ITPR2: variants seen among roughly 807,000 people sequenced by gnomAD.
ITPR2 encodes the protein inositol 1,4,5-trisphosphate-gated calcium channel ITPR2.
A neutral mutation model predicts 317.1 loss-of-function variants in ITPR2; 207 were observed. The ratio of observed to expected loss-of-function variants is 0.65; its 90% CI spans 0.58 to 0.73. The LOEUF (loss-of-function observed/expected upper bound fraction) is 0.73. Ranked by LOEUF, ITPR2 falls within the 30% of genes least tolerant of loss-of-function variation. The pLI is 0.00. For synonymous variants in ITPR2, 1,156 were observed against 1,149.1 expected, an observed-to-expected ratio of 1.01 and a Z score of -0.12; for missense variants, 2,613 against 3,284.0, an observed-to-expected ratio of 0.80 and a Z score of 4.99.
At chr12:26,487,623 GC>G (rs1266938481) in intron 39 of ITPR2, among the ~76,000 whole-genome samples, 1 of 152,122 alleles carries the variant, frequency 6.6e-6, no homozygotes, top group Non-Finnish European at 1.5e-5. Context: ...TGCCTACTAT[GC>G]GTCAAGCCCT....
At chr12:26,665,091 A>G (rs781591579) in intron 14 of ITPR2, among the ~76,000 whole-genome samples, 2 of 152,224 alleles carry the variant, frequency 1.3e-5, no homozygotes, top group Non-Finnish European at 2.9e-5. Flanking sequence ...ATCATTAGGA[A>G]GTGAATCAAT....
chr12:26,486,614 T>G (rs78677853), intron 40 of ITPR2, among the ~76,000 whole-genome samples: 1 of 152,230 alleles, frequency 6.6e-6, no homozygotes, highest in Admixed American at 6.5e-5. Flanking sequence ...TATATATTCA[T>G]GTATATGAGT....
intron 37 of ITPR2, among the ~76,000 whole-genome samples, chr12:26,501,500 C>T (rs1349532088): frequency 2.0e-5 from 3 of 152,164 alleles, no homozygotes; most frequent in Non-Finnish European, 2.9e-5. Context: ...CAATTTCTCT[C>T]CCTGTTGCCT....
rs773972357 is a variant in ITPR2 at position 26,686,599 on chromosome 12, G to T, written c.1030C>A (p.Arg344Ser). ...DGVPPTSKKK[R>S]QAGEKIMYTL... The stretch of plus-strand genomic sequence containing the variant: ...TACATGATCTTCTCCCCTGCCTGGC[G>T]TTTTTTCTTTGAAGTTGGAGGGACT... The change falls in exon 11 of 57, where the codon CGC becomes AGC. Residue 344 changes from arginine (R) to serine (S), a missense_variant. Transcript: ENST00000381340. The T allele has an allele frequency of 4.3e-6, 7 of 1,610,428 alleles. No individual in the cohort carries two copies. Among genetic ancestry groups the T allele is most frequent in the African/African-American group, 4.0e-5 (3 of 74,720 alleles).
At chr12:26,394,874 A>G (rs1939948536) in intron 54 of ITPR2, among the ~76,000 whole-genome samples, 2 of 152,162 alleles carry the variant, frequency 1.3e-5, no homozygotes, top group African/African-American at 4.8e-5. Flanking sequence ...CACCTGGAAG[A>G]GAAAAAAGGA....
rs769644346 is a variant in ITPR2 at position 26,686,596 on chromosome 12, G to A, written c.1033C>T (p.Gln345Ter). 6.2e-7 allele frequency: 1 copy of A among 1,610,530 alleles called. No homozygotes were observed. The highest frequency in any genetic ancestry group is 2.2e-5 in the East Asian group (1 of 44,624). The change falls in exon 11 of 57, where the codon CAG becomes TAG. Residue 345 changes from glutamine to a stop codon, truncating the protein, a stop_gained. Coordinates refer to ENST00000381340, the MANE Select transcript of ITPR2 (RefSeq NM_002223.4). LOFTEE classifies it high-confidence loss of function. Reference protein sequence around the residue: ...GVPPTSKKKRQAGEKIMYTLV... With the variant: ...GVPPTSKKKR ...GTATACATGATCTTCTCCCCTGCCTGGCGTTTTTTCTTTGAAGTTGGAGGG... is the reference window on the plus strand; with the variant it reads ...GTATACATGATCTTCTCCCCTGCCTAGCGTTTTTTCTTTGAAGTTGGAGGG...
intron 37 of ITPR2, among the ~76,000 whole-genome samples, chr12:26,501,894 T>C (rs1248510812): frequency 6.6e-6 from 1 of 152,202 alleles, no homozygotes; most frequent in Non-Finnish European, 1.5e-5. Context: ...ATATAAATAA[T>C]CCTCACCAGA....
chr12:26,721,820 G>T (rs963775), intron 5 of ITPR2, among the ~76,000 whole-genome samples: 46,911 of 151,682 alleles, frequency 0.31, 8,678 homozygotes, highest in East Asian at 0.79. Context: ...TTGCTATGTT[G>T]CCCAGGCTGG....
intron 2 of ITPR2, among the ~76,000 whole-genome samples, chr12:26,758,667 A>G (rs1253129718): frequency 6.6e-6 from 1 of 152,208 alleles, no homozygotes; most frequent in Non-Finnish European, 1.5e-5. Flanking sequence ...CCCAGCAGCC[A>G]GATTGTCTTA....
chr12:26,809,792 C>T (rs1592150705), intron 1 of ITPR2, among the ~76,000 whole-genome samples: 1 of 152,152 alleles, frequency 6.6e-6, no homozygotes, highest in East Asian at 1.9e-4. Flanking sequence ...GTTACCTCAT[C>T]CTGTTGGGCA....
rs533354334 is a variant in ITPR2 at position 26,359,834 on chromosome 12, T to C, written c.7858-19506A>G. 3.3e-5 allele frequency among the ~76,000 whole-genome samples: 5 copies of C among 152,220 alleles called. No homozygotes were observed. In the South Asian group the frequency reaches 1.0e-3, roughly 32 times the overall value. ...GGATGTGAGTTTTCAAACCTTCCCATGTCAATTGCAATTTGGGAGTTTCCA... is the reference window on the plus strand; with the variant it reads ...GGATGTGAGTTTTCAAACCTTCCCACGTCAATTGCAATTTGGGAGTTTCCA... On this transcript the variant is annotated intron_variant, in intron 55 of 56. Coordinates refer to ENST00000381340, the MANE Select transcript of ITPR2 (RefSeq NM_002223.4).
At chr12:26,387,971 A>AG (rs1404092372) in intron 54 of ITPR2, among the ~76,000 whole-genome samples, 1 of 151,244 alleles carries the variant, frequency 6.6e-6, no homozygotes, top group Non-Finnish European at 1.5e-5. Flanking sequence ...TAATCAGGAC[A>AG]GAAAAAAAAA....
In ITPR2 at chr12:26,656,240, T is replaced by C. The variant is rs182179324; in HGVS notation, c.2444+57A>G. ...TGTTTCATTTCAAAACTGTAGACAT[T>C]TGACGTGGAGTTCATCTGATGAATT... is the stretch of plus-strand genomic sequence containing the variant. On this transcript the variant is annotated intron_variant, in intron 19 of 56. Coordinates refer to ENST00000381340, the MANE Select transcript of ITPR2 (RefSeq NM_002223.4). The C allele has an allele frequency of 3.3e-5, 52 of 1,590,918 alleles. No homozygotes were observed. In the African/African-American group the frequency reaches 6.0e-4, roughly 18 times the overall value.
chr12:26,564,994 TATC>T (rs1455366779), intron 34 of ITPR2, among the ~76,000 whole-genome samples: 1 of 152,198 alleles, frequency 6.6e-6, no homozygotes, highest in African/African-American at 2.4e-5. Context: ...GCATCAGACT[TATC>T]ATCATCAGCA....
At chr12:26,394,164 T>C (rs1268766559) in intron 54 of ITPR2, among the ~76,000 whole-genome samples, 2 of 152,198 alleles carry the variant, frequency 1.3e-5, no homozygotes, top group African/African-American at 4.8e-5. Context: ...ATATTCCTCA[T>C]TTTCCAGGTG....
At chr12:26,614,919 C>T (rs1470570943) in intron 26 of ITPR2, among the ~76,000 whole-genome samples, 3 of 152,090 alleles carry the variant, frequency 2.0e-5, no homozygotes, top group African/African-American at 7.2e-5. Context: ...AGTTAAACAA[C>T]ATAAAGAATG....
intron 9 of ITPR2, among the ~76,000 whole-genome samples, chr12:26,708,105 C>G (rs929903276): frequency 6.6e-6 from 1 of 152,128 alleles, no homozygotes; most frequent in African/African-American, 2.4e-5. Flanking sequence ...ATAACAAATG[C>G]TGATGAAGAT....
chr12:26,484,151 A>ATATGTGTATATATACATATATGTG (rs1942608197), intron 41 of ITPR2, among the ~76,000 whole-genome samples: 1 of 150,400 alleles, frequency 6.6e-6, no homozygotes, highest in Non-Finnish European at 1.5e-5. Flanking sequence ...GTATATATGT[A>ATATGTGTATATATACATATATGTG]TATATGTATA....
intron 10 of ITPR2, among the ~76,000 whole-genome samples, chr12:26,688,831 G>A (rs888597660): frequency 1.3e-5 from 2 of 152,160 alleles, no homozygotes; most frequent in African/African-American, 4.8e-5. Flanking sequence ...ACGGTGATTT[G>A]CATGAAGGAT....
Sources: allele counts gnomAD v4.1 joint callset (sites outside exome capture counted in the v4.1 genomes callset), GRCh38; gene constraint gnomAD v4.1.1; transcripts MANE v1.5; gene names NCBI Gene and HGNC (gene_info 2026-07-23, HGNC 2026-07-21).